Variants in MICOS10 observed in about 807,000 individuals in gnomAD.
The protein encoded by MICOS10 is mitochondrial contact site and cristae organizing system subunit 10, also known as MICOS complex subunit MIC10.
In MICOS10, 5 loss-of-function variants were observed where a neutral mutation model predicts 13.4. That is an observed-to-expected ratio of 0.37 (90% confidence interval 0.20 to 0.78). MICOS10 has a LOEUF of 0.78. MICOS10 is among the 30% of genes least tolerant of loss of function. MICOS10 has a pLI of 0.47. For missense variants in MICOS10, 101 were observed against 94.6 expected (o/e 1.07, Z -0.28); for synonymous variants, 35 against 33.6 (o/e 1.04, Z -0.15).
chr1:19,597,633 C>T (rs1394322483), intron 1 of MICOS10, among the ~76,000 whole-genome samples: 1 of 152,154 alleles, frequency 6.6e-6, no homozygotes, highest in African/African-American at 2.4e-5. Context: ...AGTCTGGGGC[C>T]TGAACTTAGA....
rs553536030 is a variant in MICOS10 at position 19,626,712 on chromosome 1, A to G, written c.*311A>G. ...GTGTGAACTGCCAGCAGCTGTAGCC[A>G]CCTGCTCACAGCCTCTCTGAGAACC... On this transcript the variant is annotated 3_prime_UTR_variant, in exon 4 of 4. Transcript: ENST00000322753. 9.0e-6 allele frequency: 3 copies of G among 331,630 alleles called. No individual in the cohort carries two copies. In the South Asian group the frequency reaches 1.2e-4, roughly 13 times the overall value. 20.5% of individuals were successfully genotyped at this position (331,630 alleles called of 1,614,324 possible).
Position 19,626,821 on chromosome 1 carries a change from T to C in MICOS10, c.*420T>C. ...ACTGCTTCCACCTCGTAATCAGAAG[T>C]TGAAGATTGCTGCTGCGTGGCCTGA... is the stretch of plus-strand genomic sequence containing the variant. On this transcript the variant is annotated 3_prime_UTR_variant, in exon 4 of 4. Coordinates refer to ENST00000322753, the MANE Select transcript of MICOS10 (RefSeq NM_001032363.4). 9.9e-6 allele frequency: 2 copies of C among 202,094 alleles called. No homozygotes were observed. Among genetic ancestry groups the C allele is most frequent in the Non-Finnish European group, 2.1e-5 (2 of 96,472 alleles). The allele number at this position is 202,094 out of a possible 1,614,324, so 12.5% of individuals were successfully genotyped here.
intron 1 of MICOS10, among the ~76,000 whole-genome samples, chr1:19,600,078 T>TA (rs796674063): frequency 2.2e-4 from 33 of 148,604 alleles, no homozygotes; most frequent in South Asian, 6.4e-4. Flanking sequence ...AGGTTGCCAT[T>TA]AAAAAAAAAA....
intron 3 of MICOS10, chr1:19,625,463 TC>T: frequency 7.8e-7 from 1 of 1,289,430 alleles, no homozygotes; most frequent in Middle Eastern, 2.1e-4. Context: ...GGGAGCCATC[TC>T]TGCACCAAAG....
chr1:19,623,202 T>G (rs1004860593), intron 2 of MICOS10, among the ~76,000 whole-genome samples: 5 of 152,204 alleles, frequency 3.3e-5, no homozygotes, highest in Non-Finnish European at 7.3e-5. Flanking sequence ...ATTACAGTTG[T>G]GAGCCACCGC....
intron 1 of MICOS10, among the ~76,000 whole-genome samples, chr1:19,616,728 G>A (rs966002381): frequency 2.0e-5 from 3 of 152,160 alleles, no homozygotes; most frequent in African/African-American, 7.2e-5. Flanking sequence ...CTTTGTGTAG[G>A]AAAGAGCCAT....
intron 3 of MICOS10, among the ~76,000 whole-genome samples, chr1:19,624,138 G>A (rs1035893559): frequency 6.6e-6 from 1 of 151,486 alleles, no homozygotes; most frequent in African/African-American, 2.4e-5. Flanking sequence ...CTGCCACCAC[G>A]CCTGGCTGAT....
chr1:19,611,292 T>A (rs1558342112), intron 1 of MICOS10, among the ~76,000 whole-genome samples: 1 of 152,108 alleles, frequency 6.6e-6, no homozygotes, highest in Non-Finnish European at 1.5e-5. Context: ...TAGTCCTGTA[T>A]GTGAGAAACC....
intron 1 of MICOS10, among the ~76,000 whole-genome samples, chr1:19,599,044 C>T (rs1027729863): frequency 3.9e-4 from 60 of 151,976 alleles, no homozygotes; most frequent in African/African-American, 1.4e-3. Flanking sequence ...GCCAATGCGC[C>T]ACACTCATAG....
chr1:19,625,256 G>C lies in MICOS10; in HGVS notation c.223-1131G>C. 3.3e-6 allele frequency: 3 copies of C among 905,714 alleles called. No individual in the cohort carries two copies. The South Asian group carries it at 5.0e-5, about 15-fold the overall frequency. 56.1% of individuals were successfully genotyped at this position (905,714 alleles called of 1,614,324 possible). A position where few individuals can be genotyped will look rare whatever the true frequency, so the allele number is the denominator to read the frequency against. ...AAAAAGGGTGATTGACTTGTCCATT[G>C]TTCCACTGTAACAACAAGTAGAGTG... On this transcript the variant is annotated intron_variant, in intron 3 of 3. Transcript: ENST00000322753.
intron 1 of MICOS10, chr1:19,598,308 A>G (rs1055018601): frequency 3.3e-5 from 5 of 152,210 alleles, no homozygotes; most frequent in African/African-American, 1.2e-4. Context: ...GGAGGATTAA[A>G]TGAGTTAGTT....
At position 19,625,466 on chromosome 1, in the gene MICOS10, G is replaced by C. The variant is rs546874577; in HGVS notation, c.223-921G>C. On this transcript the variant is annotated intron_variant, in intron 3 of 3. Transcript: ENST00000322753. ...AGATGGGAGTAGGGGAGCCATCTCT[G>C]CACCAAAGCAAGAGTGAGGTCATCA... 1.6e-5 allele frequency: 21 copies of C among 1,289,430 alleles called. No homozygotes were observed. The Admixed American group carries it at 4.6e-4, about 28-fold the overall frequency. The allele number at this position is 1,289,430 out of a possible 1,614,324, so 79.9% of individuals were successfully genotyped here.
Position 19,620,823 on chromosome 1 carries a change from A to C in MICOS10, c.65-1277A>C, listed in dbSNP as rs2094900650. Among the ~76,000 whole-genome samples the C allele has an allele frequency of 2.0e-5, 3 of 152,342 alleles. No individual in the cohort carries two copies. In the South Asian group the frequency reaches 6.2e-4, roughly 32 times the overall value. On this transcript the variant is annotated intron_variant, in intron 1 of 3. Coordinates refer to ENST00000322753, the MANE Select transcript of MICOS10 (RefSeq NM_001032363.4). ...CTTGGTCTACTGCTAGGAAAAGTTG[A>C]GCATCAGAGAGCTTTTTCTCCTTGG...
chr1:19,625,334 A>G (rs1246380792), intron 3 of MICOS10: 2 of 1,272,156 alleles, frequency 1.6e-6, no homozygotes, highest in East Asian at 5.6e-5. Flanking sequence ...TGTGGCCACA[A>G]GGGCCACCAA....
At chr1:19,625,041 A>G (rs1770481) in intron 3 of MICOS10, among the ~76,000 whole-genome samples, 31,806 of 152,150 alleles carry the variant, frequency 0.21, 5,474 homozygotes, top group African/African-American at 0.48. Context: ...CAGGAGACCT[A>G]GGTGCAAGCC....
In MICOS10 at chr1:19,611,469, A is replaced by ATTTTTT. The variant is rs768118529; in HGVS notation, c.65-10614_65-10609dup. On this transcript the variant is annotated intron_variant, in intron 1 of 3. Coordinates refer to ENST00000322753, the MANE Select transcript of MICOS10 (RefSeq NM_001032363.4). ...TTCTCTTTATTCCAGTTGCAACTTG[A>ATTTTTT]TTTTTTTTTTTTTTTTTTTTTTGAG... Among the ~76,000 whole-genome samples, 174 of 90,288 alleles carry ATTTTTT rather than the reference A, an allele frequency of 1.9e-3. 15 individuals are homozygous for ATTTTTT. Among genetic ancestry groups the ATTTTTT allele is most frequent in the African/African-American group, 7.3e-3 (141 of 19,302 alleles). 59.2% of individuals were successfully genotyped at this position (90,288 alleles called of 152,430 possible). A position where few individuals can be genotyped will look rare whatever the true frequency, so the allele number is the denominator to read the frequency against.
intron 1 of MICOS10, among the ~76,000 whole-genome samples, chr1:19,616,985 T>G (rs541928296): frequency 5.3e-4 from 80 of 152,356 alleles, no homozygotes; most frequent in African/African-American, 1.9e-3. Context: ...CAGAGCTGCT[T>G]CTCATTTTCC....
intron 1 of MICOS10, among the ~76,000 whole-genome samples, chr1:19,602,854 C>T (rs180831216): frequency 6.6e-6 from 1 of 152,232 alleles, no homozygotes; most frequent in Non-Finnish European, 1.5e-5. Flanking sequence ...GACTTTAAAT[C>T]GTTCTGGTCT....
chr1:19,625,574 T>G (rs1024791900), intron 3 of MICOS10: 4 of 1,289,448 alleles, frequency 3.1e-6, no homozygotes, highest in Non-Finnish European at 3.0e-6. Context: ...GCTCCTCGCT[T>G]TCCTGGCATC....
Sources: gnomAD v4.1 joint callset for allele counts (sites outside exome capture counted in the v4.1 genomes callset) on GRCh38, gnomAD v4.1.1 for gene constraint, MANE v1.5 for transcripts, NCBI Gene and HGNC (gene_info 2026-07-23, HGNC 2026-07-21) for gene names.